The following ABCB1 variants were observed in gnomAD, a reference collection of about 807,000 sequenced individuals.
ABCB1 encodes ATP-dependent translocase ABCB1.
In ABCB1, 69 loss-of-function variants were observed where a neutral mutation model predicts 142.0. The observed-to-expected ratio is 0.49, with a 90% confidence interval of 0.40 to 0.59. The LOEUF is 0.59. Among genes scored for constraint, ABCB1 ranks in the 20% least tolerant of loss-of-function variants. ABCB1 has a pLI of 0.00. For synonymous variants in ABCB1, 532 were observed against 539.2 expected, an observed-to-expected ratio of 0.99 and a Z score of 0.18; for missense variants, 1,326 against 1,554.7, an observed-to-expected ratio of 0.85 and a Z score of 2.47.
intron 14 of ABCB1, among the ~76,000 whole-genome samples, chr7:87,548,838 G>C (rs1347454998): frequency 2.6e-5 from 4 of 152,158 alleles, no homozygotes; most frequent in Non-Finnish European, 1.5e-5. Context: ...TCATGGCTTA[G>C]GTAGGTTTTC....
At chr7:87,682,597 G>A (rs1035128240) in intron 1 of ABCB1, among the ~76,000 whole-genome samples, 1 of 152,194 alleles carries the variant, frequency 6.6e-6, no homozygotes, top group Non-Finnish European at 1.5e-5. Context: ...CATTGTCAAT[G>A]AGCAGTAATA....
At chr7:87,533,857 C>T (rs193063479) in intron 20 of ABCB1, among the ~76,000 whole-genome samples, 3 of 152,290 alleles carry the variant, frequency 2.0e-5, no homozygotes, top group Admixed American at 2.0e-4. Context: ...TGCTCATTTC[C>T]TCTTCCCTGG....
Position 87,543,583 on chromosome 7 carries a change from T to C in ABCB1, c.2211+546A>G, listed in dbSNP as rs150793094. The stretch of plus-strand genomic sequence containing the variant: ...TTCCTTTCAGATTGTAACTTTACTG[T>C]TGAAAATGCCACCATTAAGATGAGG... On this transcript the variant is annotated intron_variant, in intron 17 of 27. Coordinates refer to ENST00000622132, the MANE Select transcript of ABCB1 (RefSeq NM_001348946.2). Among the ~76,000 whole-genome samples the C allele has an allele frequency of 2.6e-3, 392 of 152,290 alleles. 1 individual carries two copies. The highest frequency in any genetic ancestry group is 8.9e-3 in the African/African-American group (369 of 41,568).
chr7:87,607,056 A>G (rs1487858454), intron 1 of ABCB1, among the ~76,000 whole-genome samples: 2 of 152,204 alleles, frequency 1.3e-5, no homozygotes, highest in Non-Finnish European at 2.9e-5. Context: ...GAAAAGTGAG[A>G]GAGGAAGAAG....
chr7:87,549,971 T>C lies in ABCB1; in HGVS notation c.1434A>G (p.Val478=), dbSNP rs1319906563. The C allele has an allele frequency of 6.8e-6, 11 of 1,614,228 alleles. No individual in the cohort carries two copies. Among genetic ancestry groups the C allele is most frequent in the Non-Finnish European group, 9.3e-6 (11 of 1,180,034 alleles). ...EIIGVVSQEP[V]LFATTIAENI... is the part of the protein sequence containing the mutation. ...TTTCAGCTATCGTGGTGGCAAACAA[T>C]ACAGGTTCCTGACTCACCACACCAA... The change falls in exon 13 of 28, where the codon GTA becomes GTG. Residue 478 remains valine, a synonymous_variant. Transcript: ENST00000622132.
chr7:87,663,110 A>G (rs1226216767), intron 1 of ABCB1, among the ~76,000 whole-genome samples: 3 of 152,106 alleles, frequency 2.0e-5, no homozygotes, highest in Non-Finnish European at 4.4e-5. Context: ...AACTTTACTG[A>G]ATTTGTTTAT....
chr7:87,653,756 A>G (rs573441365), intron 1 of ABCB1, among the ~76,000 whole-genome samples: 1 of 151,838 alleles, frequency 6.6e-6, no homozygotes, highest in South Asian at 2.1e-4. Context: ...CAGGTAAGGT[A>G]TTGCTAGTTT....
At chr7:87,528,399 C>T (rs1815891699) in intron 21 of ABCB1, among the ~76,000 whole-genome samples, 1 of 151,962 alleles carries the variant, frequency 6.6e-6, no homozygotes, top group Admixed American at 6.6e-5. Context: ...GCATTTATAA[C>T]ATACTTAACT....
At chr7:87,547,838 G>C (rs113686230) in intron 14 of ABCB1, among the ~76,000 whole-genome samples, 1 of 119,402 alleles carries the variant, frequency 8.4e-6, no homozygotes, top group Non-Finnish European at 1.6e-5. Flanking sequence ...GCGACAGAGC[G>C]AGACTCCATC....
intron 4 of ABCB1, among the ~76,000 whole-genome samples, chr7:87,582,110 A>C (rs561062931): frequency 2.4e-4 from 36 of 152,344 alleles, no homozygotes; most frequent in African/African-American, 7.9e-4. Context: ...TGAAAATCAC[A>C]GTAAAGATAG....
Position 87,531,332 on chromosome 7 carries a change from C to T in ABCB1, c.2647G>A (p.Ala883Thr), listed in dbSNP as rs147823195. 9.9e-6 allele frequency: 16 copies of T among 1,613,332 alleles called. No individual in the cohort carries two copies. The highest frequency in any genetic ancestry group is 4.4e-5 in the South Asian group (4 of 91,076). Residue 883 changes from alanine to threonine, a missense_variant, in exon 21 of 28, where the codon GCA becomes ACA. Transcript: ENST00000622132. ...VVEMKMLSGQ[A>T]LKDKKELEGS... ...TCTAGTTCTTTCTTATCTTTCAGTG[C>T]TTGTCCAGACAACATTTTCATTTCA... is the stretch of plus-strand genomic sequence containing the variant.
intron 7 of ABCB1, among the ~76,000 whole-genome samples, chr7:87,565,796 C>T (rs534557537): frequency 1.3e-5 from 2 of 149,800 alleles, no homozygotes; most frequent in Non-Finnish European, 3.0e-5. Context: ...TTTACTTGCT[C>T]GTTTTCTTAC....
chr7:87,549,362 C>T lies in ABCB1; in HGVS notation c.1711G>A (p.Val571Met), dbSNP rs755085099. ...GCCTCACTGACCTTATCCAGAGCCA[C>T]CTGAACCACTGCTTCGCTTTCTGTG... The part of the protein sequence containing the change: ...LDTESEAVVQ[V>M]ALDKARKGRT... The change falls in exon 14 of 28, where the codon GTG (valine) becomes ATG (methionine). Residue 571 changes from valine (V) to methionine (M), a missense_variant. Coordinates refer to ENST00000622132, the MANE Select transcript of ABCB1 (RefSeq NM_001348946.2). 7 of 1,614,140 alleles carry T rather than the reference C, an allele frequency of 4.3e-6. No individual in the cohort carries two copies. The highest frequency in any genetic ancestry group is 1.1e-5 in the South Asian group (1 of 91,082).
chr7:87,683,333 T>C (rs902138351), intron 1 of ABCB1, among the ~76,000 whole-genome samples: 1 of 152,240 alleles, frequency 6.6e-6, no homozygotes, highest in Admixed American at 6.5e-5. Flanking sequence ...TCCTTTGAAC[T>C]TTTTCTTTGT....
chr7:87,511,838 C>T (rs1237547178), intron 25 of ABCB1, among the ~76,000 whole-genome samples: 2 of 152,164 alleles, frequency 1.3e-5, no homozygotes, highest in African/African-American at 2.4e-5. Flanking sequence ...TGACAAGCAG[C>T]TTCTAATTGT....
intron 1 of ABCB1, among the ~76,000 whole-genome samples, chr7:87,619,758 GTGTGTGTA>G: frequency 6.8e-6 from 1 of 148,024 alleles, no homozygotes; most frequent in Non-Finnish European, 1.5e-5. Flanking sequence ...GTGTGTGTGT[GTGTGTGTA>G]TATATATATA....
In ABCB1 at chr7:87,544,107, C is replaced by T. The variant is rs202180045; in HGVS notation, c.2211+22G>A. 6.2e-7 allele frequency: 1 copy of T among 1,613,440 alleles called. No homozygotes were observed. The highest frequency in any genetic ancestry group is 8.5e-7 in the Non-Finnish European group (1 of 1,179,514). On this transcript the variant is annotated intron_variant, in intron 17 of 27. Coordinates refer to ENST00000622132, the MANE Select transcript of ABCB1 (RefSeq NM_001348946.2). The stretch of plus-strand genomic sequence containing the variant: ...TCCATCAGGATTCACAAGTAAATCA[C>T]ACAAATGGGCATCACACTTACCCCT...
In ABCB1 at chr7:87,645,081, C is replaced by CTT. The variant is rs551936794; in HGVS notation, c.-330-44005_-330-44004dup. The stretch of plus-strand genomic sequence containing the variant: ...TTTTAGTCACAATCATGCTTTCTTT[C>CTT]TTTTTTTTTTTTTTTTTTGAGACAG... On this transcript the variant is annotated intron_variant, in intron 1 of 28. Transcript: ENST00000265724. 4.7e-4 allele frequency among the ~76,000 whole-genome samples: 60 copies of CTT among 128,072 alleles called. 1 individual carries two copies. The South Asian group carries it at 6.8e-3, about 15-fold the overall frequency. The allele number at this position is 128,072 out of a possible 152,430, so 84.0% of individuals were successfully genotyped here. A position where few individuals can be genotyped will look rare whatever the true frequency, so the allele number is the denominator to read the frequency against.
At position 87,545,904 on chromosome 7, in the gene ABCB1, T is replaced by C. The variant is rs1816758997; in HGVS notation, c.1846A>G (p.Met616Val). 6.2e-7 allele frequency: 1 copy of C among 1,614,090 alleles called. No homozygotes were observed. Among genetic ancestry groups the C allele is most frequent in the Non-Finnish European group, 8.5e-7 (1 of 1,179,938 alleles). The part of the protein sequence containing the change: ...IVEKGNHDEL[M>V]KEKGIYFKLV... ...TTGAAGTAAATGCCTTTCTCTTTCA[T>C]GAGTTCATCATGATTTCCTTTCTCC... Residue 616 changes from methionine (M) to valine (V), a missense_variant, in exon 15 of 28, where the codon ATG (methionine) becomes GTG (valine). Coordinates refer to ENST00000622132, the MANE Select transcript of ABCB1 (RefSeq NM_001348946.2).
Sources: allele counts gnomAD v4.1 joint callset (sites outside exome capture counted in the v4.1 genomes callset), GRCh38; gene constraint gnomAD v4.1.1; transcripts MANE v1.5; gene names NCBI Gene and HGNC (gene_info 2026-07-23, HGNC 2026-07-21).